PHACTR3: variants seen among roughly 807,000 people sequenced by gnomAD.
PHACTR3 encodes the protein phosphatase and actin regulator 3, also known as protein phosphatase 1, regulatory subunit 123.
PHACTR3 carries 16 observed loss-of-function variants against 66.8 expected under a neutral mutation model. The ratio of observed to expected loss-of-function variants is 0.24; its 90% CI spans 0.16 to 0.36. The LOEUF (loss-of-function observed/expected upper bound fraction) is 0.36, where lower values mean the gene tolerates loss of function less well. Ranked by LOEUF, PHACTR3 falls within the 10% of genes least tolerant of loss-of-function variation. The pLI, the probability that PHACTR3 is intolerant of heterozygous loss-of-function variation, is 1.00. For synonymous variants in PHACTR3, 323 were observed against 292.1 expected, an observed-to-expected ratio of 1.11 and a Z score of -1.08; for missense variants, 647 against 719.9, an observed-to-expected ratio of 0.90 and a Z score of 1.16.
At chr20:59,620,885 T>C (rs1186375328) in intron 1 of PHACTR3, among the ~76,000 whole-genome samples, 5 of 152,324 alleles carry the variant, frequency 3.3e-5, no homozygotes, top group African/African-American at 1.2e-4. Flanking sequence ...CATTACTCAC[T>C]AATAAGGGAA....
At position 59,767,328 on chromosome 20, in the gene PHACTR3, C is replaced by T; in HGVS notation, c.684C>T (p.Leu228=). Residue 228 remains leucine, a synonymous_variant, in exon 5 of 13, where the codon CTC becomes CTT. Transcript: ENST00000371015. ...PRPLERSVGQ[L]PSPPLLPTPP... ...CTCTGGAGAGATCCGTGGGCCAGCT[C>T]CCCAGCCCCCCACTGCTGCCCACTC... 1 of 1,614,158 alleles carries T rather than the reference C, an allele frequency of 6.2e-7. No homozygotes were observed. Among genetic ancestry groups the T allele is most frequent in the Non-Finnish European group, 8.5e-7 (1 of 1,180,028 alleles).
intron 7 of PHACTR3, among the ~76,000 whole-genome samples, chr20:59,792,932 T>C (rs1296725415): frequency 1.3e-5 from 2 of 152,216 alleles, no homozygotes; most frequent in African/African-American, 4.8e-5. Flanking sequence ...TTGTCCAGGC[T>C]GGAGTGCAGT....
chr20:59,769,023 C>T (rs991265384), intron 5 of PHACTR3, among the ~76,000 whole-genome samples: 11 of 152,308 alleles, frequency 7.2e-5, no homozygotes, highest in South Asian at 4.1e-4. Context: ...GGGGCGCCCC[C>T]GCCACCCCAC....
chr20:59,643,085 G>A (rs1423276765), intron 1 of PHACTR3, among the ~76,000 whole-genome samples: 15 of 152,060 alleles, frequency 9.9e-5, no homozygotes, highest in Admixed American at 9.8e-4. Context: ...CTAATTTTTT[G>A]TATTTTTAGT....
intron 1 of PHACTR3, 23 bp downstream of exon 1, chr20:59,605,155 C>T (rs1437145710): frequency 1.3e-5 from 3 of 234,716 alleles, no homozygotes; most frequent in South Asian, 6.0e-5. Context: ...GCGGGGGCGG[C>T]GGGCGGGTCG....
In PHACTR3 at chr20:59,667,007, G is replaced by A. The variant is rs984545350; in HGVS notation, c.118+61875G>A. On this transcript the variant is annotated intron_variant, in intron 1 of 12. Transcript: ENST00000371015. ...GAGAGACCCATGCTTGGGGAGCAAC[G>A]TCCAAGGTGCCCAGCAGAGGCACAG... is the stretch of plus-strand genomic sequence containing the variant. 2.6e-5 allele frequency among the ~76,000 whole-genome samples: 4 copies of A among 152,230 alleles called. No individual in the cohort carries two copies. The South Asian group carries it at 8.3e-4, about 32-fold the overall frequency.
chr20:59,664,367 C>A (rs1458823912), intron 1 of PHACTR3, among the ~76,000 whole-genome samples: 3 of 152,170 alleles, frequency 2.0e-5, no homozygotes, highest in South Asian at 4.1e-4. Context: ...CCAAAGTGAA[C>A]CTTGGGCAGC....
intron 7 of PHACTR3, among the ~76,000 whole-genome samples, chr20:59,784,566 G>C (rs755821829): frequency 6.6e-6 from 1 of 152,120 alleles, no homozygotes; most frequent in Non-Finnish European, 1.5e-5. Flanking sequence ...GAGATGAGAC[G>C]CGTGAGGTGC....
rs2059169472 is a variant in PHACTR3 at position 59,847,355 on chromosome 20, G to GAGTTATGTT, written c.*225_*226insAGTTATGTT. 12 of 420,826 alleles carry GAGTTATGTT rather than the reference G, an allele frequency of 2.9e-5. No homozygotes were observed. Among genetic ancestry groups the GAGTTATGTT allele is most frequent in the East Asian group, 6.3e-5 (2 of 31,650 alleles). The allele number at this position is 420,826 out of a possible 1,614,324, so 26.1% of individuals were successfully genotyped here. On this transcript the variant is annotated 3_prime_UTR_variant, in exon 13 of 13. Coordinates refer to ENST00000371015, the MANE Select transcript of PHACTR3 (RefSeq NM_080672.5). ...TGGTGTCTGAGGAGTGTGAACTGTTGGGGTCAGTTAAGACCCAACATAACT... is the reference window on the plus strand; with the variant it reads ...TGGTGTCTGAGGAGTGTGAACTGTTGAGTTATGTTGGGTCAGTTAAGACCCAACATAACT...
At chr20:59,837,290 T>A (rs1009457533) in intron 9 of PHACTR3, among the ~76,000 whole-genome samples, 1 of 152,170 alleles carries the variant, frequency 6.6e-6, no homozygotes, top group African/African-American at 2.4e-5. Flanking sequence ...TTTAAAGGAC[T>A]TTTTTTCTCT....
At chr20:59,669,961 A>G (rs980059978) in intron 1 of PHACTR3, among the ~76,000 whole-genome samples, 9 of 152,196 alleles carry the variant, frequency 5.9e-5, no homozygotes, top group African/African-American at 1.9e-4. Context: ...CTGTCTGCTT[A>G]TCAATTGTAG....
At chr20:59,640,706 G>A (rs1469020398) in intron 1 of PHACTR3, among the ~76,000 whole-genome samples, 2 of 152,190 alleles carry the variant, frequency 1.3e-5, no homozygotes, top group Non-Finnish European at 2.9e-5. Context: ...CTTGTTTCTA[G>A]AGAGATCATA....
intron 1 of PHACTR3, among the ~76,000 whole-genome samples, chr20:59,678,652 G>C (rs1300748032): frequency 6.6e-6 from 1 of 152,174 alleles, no homozygotes; most frequent in Non-Finnish European, 1.5e-5. Context: ...TTTGTAATCT[G>C]TGTTTTGTGG....
At chr20:59,608,411 A>T (rs2033736483) in intron 1 of PHACTR3, among the ~76,000 whole-genome samples, 2 of 152,204 alleles carry the variant, frequency 1.3e-5, no homozygotes, top group Non-Finnish European at 2.9e-5. Context: ...TCCAAAATAG[A>T]AATTTAATCA....
Position 59,650,448 on chromosome 20 carries a change from A to G in PHACTR3, c.118+45316A>G, listed in dbSNP as rs573321401. Reference sequence around the variant, plus strand: ...AATTTTCCCATCAAAGGAAGGCACTATTGCTTTCAAACATCATCATATTCA... The same window carrying G: ...AATTTTCCCATCAAAGGAAGGCACTGTTGCTTTCAAACATCATCATATTCA... On this transcript the variant is annotated intron_variant, in intron 1 of 12. Transcript: ENST00000371015. Among the ~76,000 whole-genome samples the G allele has an allele frequency of 3.3e-5, 5 of 152,286 alleles. No homozygotes were observed. The South Asian group carries it at 8.3e-4, about 25-fold the overall frequency.
At chr20:59,680,874 C>A (rs2036617955) in intron 1 of PHACTR3, among the ~76,000 whole-genome samples, 1 of 152,212 alleles carries the variant, frequency 6.6e-6, no homozygotes, top group Admixed American at 6.5e-5. Context: ...GAACAGATCT[C>A]TGGGTGGGCC....
intron 1 of PHACTR3, among the ~76,000 whole-genome samples, chr20:59,644,806 C>T (rs1351359794): frequency 1.3e-5 from 2 of 152,138 alleles, no homozygotes; most frequent in African/African-American, 4.8e-5. Flanking sequence ...ACATCCCTAC[C>T]TCATCGCTAC....
intron 8 of PHACTR3, among the ~76,000 whole-genome samples, chr20:59,824,101 C>A (rs1228645039): frequency 6.6e-6 from 1 of 152,158 alleles, no homozygotes; most frequent in Non-Finnish European, 1.5e-5. Flanking sequence ...CAGATCAGGC[C>A]CACCCATTTC....
chr20:59,721,009 G>A (rs142594948), intron 1 of PHACTR3, among the ~76,000 whole-genome samples: 1 of 152,318 alleles, frequency 6.6e-6, no homozygotes, highest in Non-Finnish European at 1.5e-5. Flanking sequence ...GATGATGGAG[G>A]TGGTGCTGTG....
Sources: gnomAD v4.1 joint callset for allele counts (sites outside exome capture counted in the v4.1 genomes callset) on GRCh38, gnomAD v4.1.1 for gene constraint, MANE v1.5 for transcripts, NCBI Gene and HGNC (gene_info 2026-07-23, HGNC 2026-07-21) for gene names.